Variants in FBXL20 observed in about 807,000 individuals in gnomAD.
FBXL20 encodes F-box/LRR-repeat protein 20.
In FBXL20, 11 loss-of-function variants were observed where a neutral mutation model predicts 64.0. The observed-to-expected ratio is 0.17, with a 90% CI of 0.11 to 0.28. FBXL20 has a LOEUF of 0.28. Among genes scored for constraint, FBXL20 ranks in the 10% least tolerant of loss-of-function variants. The probability of loss-of-function intolerance (pLI) is 1.00; values close to 1 mark genes in which losing one functional copy is unlikely to be tolerated. For missense variants in FBXL20, 303 were observed against 526.2 expected, an observed-to-expected ratio of 0.58 and a Z score of 4.15; for synonymous variants, 184 against 189.0, an observed-to-expected ratio of 0.97 and a Z score of 0.22.
intron 1 of FBXL20, among the ~76,000 whole-genome samples, chr17:39,391,905 A>T (rs530805139): frequency 8.6e-5 from 13 of 151,556 alleles, no homozygotes; most frequent in African/African-American, 3.1e-4. Flanking sequence ...GCACTTTGGG[A>T]GGCCAAGGTG....
upstream of FBXL20, chr17:39,402,397 G>C: frequency 2.4e-6 from 1 of 410,860 alleles, no homozygotes; most frequent in Non-Finnish European, 4.2e-6. Flanking sequence ...CATGGCTCGG[G>C]AGGGCGAGGG....
intron 5 of FBXL20, among the ~76,000 whole-genome samples, chr17:39,298,442 G>GGTGCA (rs2047105797): frequency 6.6e-6 from 1 of 152,112 alleles, no homozygotes; most frequent in South Asian, 2.1e-4. Context: ...AACTAAGCTG[G>GGTGCA]GTGCAGTGGC....
chr17:39,301,212 C>A (rs1366422627), intron 3 of FBXL20, 137 bp from the exon 4 acceptor site: 2 of 679,738 alleles, frequency 2.9e-6, no homozygotes, highest in East Asian at 2.7e-5. Context: ...CACTTACTCC[C>A]AAATGATGTG....
intron 14 of FBXL20, among the ~76,000 whole-genome samples, chr17:39,261,918 T>C (rs758072015): frequency 1.3e-5 from 2 of 152,024 alleles, no homozygotes; most frequent in African/African-American, 2.4e-5. Context: ...CCGTTTCTAC[T>C]AAAAATACAA....
chr17:39,352,051 G>A (rs568813539), intron 1 of FBXL20, among the ~76,000 whole-genome samples: 3 of 152,272 alleles, frequency 2.0e-5, no homozygotes, highest in Middle Eastern at 3.4e-3. Context: ...GTGCACGCGC[G>A]TGCACGCTAT....
chr17:39,350,306 A>G (rs2047675376), intron 1 of FBXL20, among the ~76,000 whole-genome samples: 1 of 152,100 alleles, frequency 6.6e-6, no homozygotes, highest in Non-Finnish European at 1.5e-5. Flanking sequence ...GCTGACCAAC[A>G]TGGAGAAACC....
Position 39,398,043 on chromosome 17 carries a change from G to T in FBXL20, c.42+3318C>A, listed in dbSNP as rs1268190991. Among the ~76,000 whole-genome samples the T allele has an allele frequency of 7.2e-3, 287 of 40,034 alleles. 36 individuals carry two copies. The highest frequency in any genetic ancestry group is 0.034 in the African/African-American group (279 of 8,184). The allele number at this position is 40,034 out of a possible 152,430, so 26.3% of individuals were successfully genotyped here. A position where few individuals can be genotyped will look rare whatever the true frequency, so the allele number is the denominator to read the frequency against. On this transcript the variant is annotated intron_variant, in intron 1 of 14. Transcript: ENST00000264658. ...AGCACTTTGGGAGGCCGGCGGGCGGGGGGGGGGGGGGGGTTGGATCACGAG... is the reference window on the plus strand; with the variant it reads ...AGCACTTTGGGAGGCCGGCGGGCGGTGGGGGGGGGGGGGTTGGATCACGAG...
At chr17:39,365,527 T>A (rs748380642) in intron 1 of FBXL20, among the ~76,000 whole-genome samples, 1 of 152,200 alleles carries the variant, frequency 6.6e-6, no homozygotes, top group Non-Finnish European at 1.5e-5. Context: ...ACTTTCTGCT[T>A]TGGACACCTT....
intron 7 of FBXL20, 43 bp from the exon 8 acceptor site, chr17:39,282,898 A>C (rs2046960220): frequency 6.2e-7 from 1 of 1,608,080 alleles, no homozygotes; most frequent in Non-Finnish European, 8.5e-7. Context: ...ACTAAATCCA[A>C]TTCCAAAAAC....
chr17:39,363,971 C>T (rs897197758), intron 1 of FBXL20, among the ~76,000 whole-genome samples: 67 of 141,112 alleles, frequency 4.7e-4, no homozygotes, highest in South Asian at 4.4e-4. Flanking sequence ...CTCGCTGCAA[C>T]TTCCACCTCC....
At chr17:39,320,294 T>C (rs1463448582) in intron 2 of FBXL20, among the ~76,000 whole-genome samples, 8 of 152,160 alleles carry the variant, frequency 5.3e-5, no homozygotes, top group Non-Finnish European at 7.3e-5. Context: ...TAAAAAAATA[T>C]GTTTATAGCT....
chr17:39,270,241 T>C (rs1349906841), intron 11 of FBXL20, among the ~76,000 whole-genome samples: 1 of 152,016 alleles, frequency 6.6e-6, no homozygotes, highest in Admixed American at 6.6e-5. Context: ...GCTTATGAAA[T>C]TGTGAAGAAT....
In FBXL20 at chr17:39,285,541, T is replaced by A. The variant is rs747615910; in HGVS notation, c.431A>T (p.Lys144Ile). The change falls in exon 7 of 15, where the codon AAA becomes ATA. Residue 144 changes from lysine to isoleucine, a missense_variant. Coordinates refer to ENST00000264658, the MANE Select transcript of FBXL20 (RefSeq NM_032875.3). ...GGAAGCCAAGTCAAGGTGCCTGAGT[T>A]TGGAACAGAACTTGCTAAGGCTAGT... is the stretch of plus-strand genomic sequence containing the variant. ...TCTSLSKFCS[K>I]LRHLDLASCT... 1 of 1,605,984 alleles carries A rather than the reference T, an allele frequency of 6.2e-7. No homozygotes were observed. Among genetic ancestry groups the A allele is most frequent in the Non-Finnish European group, 8.5e-7 (1 of 1,175,878 alleles).
chr17:39,308,565 A>AT, intron 2 of FBXL20, among the ~76,000 whole-genome samples: 1 of 132,500 alleles, frequency 7.5e-6, no homozygotes, highest in Non-Finnish European at 1.5e-5. Flanking sequence ...TTTTAATACA[A>AT]TAATTTTTTT....
rs201170329 is a variant in FBXL20 at position 39,300,985 on chromosome 17, C to A, written c.234+16G>T. On this transcript the variant is annotated intron_variant, in intron 4 of 14. Coordinates refer to ENST00000264658, the MANE Select transcript of FBXL20 (RefSeq NM_032875.3). ...TACTAACATGAAAACTGGGGCCACA[C>A]ACCACATAATTATACCTCAATATCC... is the stretch of plus-strand genomic sequence containing the variant. 18 of 1,612,504 alleles carry A rather than the reference C, an allele frequency of 1.1e-5. No individual in the cohort carries two copies. Among genetic ancestry groups the A allele is most frequent in the Middle Eastern group, 1.6e-4 (1 of 6,084 alleles).
rs777643447 is a variant in FBXL20 at position 39,260,345 on chromosome 17, C to T, written c.*1115G>A. 9.2e-5 allele frequency: 14 copies of T among 152,182 alleles called. No homozygotes were observed. The highest frequency in any genetic ancestry group is 1.9e-4 in the Non-Finnish European group (13 of 68,034). 9.4% of individuals were successfully genotyped at this position (152,182 alleles called of 1,614,324 possible). On this transcript the variant is annotated 3_prime_UTR_variant, in exon 15 of 15. Coordinates refer to ENST00000264658, the MANE Select transcript of FBXL20 (RefSeq NM_032875.3). Reference sequence around the variant, plus strand: ...GCTCTGTTTTGTGATTTATCATTTTCACTCTTTCCTAATAATACATCTCTC... The same window carrying T: ...GCTCTGTTTTGTGATTTATCATTTTTACTCTTTCCTAATAATACATCTCTC...
At chr17:39,268,965 T>C (rs2046815959) in intron 11 of FBXL20, 94 bp from the exon 12 acceptor site, 24 of 1,105,384 alleles carry the variant, frequency 2.2e-5, no homozygotes, top group Non-Finnish European at 2.8e-5. Context: ...TAATATTAAA[T>C]ACGTTGATAA....
In FBXL20 at chr17:39,257,991, G is replaced by T. The variant is rs908294750; in HGVS notation, c.*3469C>A. The stretch of plus-strand genomic sequence containing the variant: ...GGGAAAAACTGCTTAGAAAAGAGAT[G>T]ATTTGGATGTTCAAGAACTTTCTCC... On this transcript the variant is annotated 3_prime_UTR_variant, in exon 15 of 15. Transcript: ENST00000264658. 1.3e-5 allele frequency: 2 copies of T among 152,410 alleles called. No homozygotes were observed. Among genetic ancestry groups the T allele is most frequent in the Admixed American group, 6.6e-5 (1 of 15,254 alleles). 9.4% of individuals were successfully genotyped at this position (152,410 alleles called of 1,614,324 possible).
At chr17:39,268,278 G>A (rs2046810160) in intron 12 of FBXL20, among the ~76,000 whole-genome samples, 1 of 152,112 alleles carries the variant, frequency 6.6e-6, no homozygotes, top group Non-Finnish European at 1.5e-5. Flanking sequence ...GCTTGAATCT[G>A]GGAGGTGGAG....
Sources: gnomAD v4.1 joint callset for allele counts (sites outside exome capture counted in the v4.1 genomes callset) on GRCh38, gnomAD v4.1.1 for gene constraint, MANE v1.5 for transcripts, NCBI Gene and HGNC (gene_info 2026-07-23, HGNC 2026-07-21) for gene names.